Variants in CTNND2 observed in about 807,000 individuals in gnomAD.
CTNND2 encodes catenin delta-2.
Under a neutral mutation model 144.4 loss-of-function variants are expected in CTNND2, and 22 were observed. That is an observed-to-expected ratio of 0.15 (90% confidence interval 0.11 to 0.22). The LOEUF is 0.22. Ranked by LOEUF, CTNND2 falls within the 10% of genes least tolerant of loss-of-function variation. CTNND2 has a pLI of 1.00. For synonymous variants in CTNND2, 751 were observed against 695.6 expected (o/e 1.08, Z -1.25); for missense variants, 1,353 against 1,618.8 (o/e 0.84, Z 2.82).
chr5:11,838,758 A>G (rs1456393244), intron 1 of CTNND2, among the ~76,000 whole-genome samples: 1 of 152,154 alleles, frequency 6.6e-6, no homozygotes, highest in East Asian at 1.9e-4. Context: ...TCACATTTCA[A>G]TGTCTTTGAT....
intron 1 of CTNND2, among the ~76,000 whole-genome samples, chr5:11,830,833 G>A (rs570954977): frequency 3.3e-5 from 5 of 152,054 alleles, no homozygotes; most frequent in African/African-American, 1.2e-4. Context: ...CAGACCTGAT[G>A]TGGCCCACTC....
chr5:11,801,079 G>A (rs1791655308), intron 1 of CTNND2, among the ~76,000 whole-genome samples: 3 of 152,128 alleles, frequency 2.0e-5, no homozygotes, highest in Admixed American at 2.0e-4. Flanking sequence ...ACACTTTCAG[G>A]GCTGTTCTTC....
At chr5:11,151,896 C>T (rs951014661) in intron 12 of CTNND2, among the ~76,000 whole-genome samples, 3 of 152,246 alleles carry the variant, frequency 2.0e-5, no homozygotes, top group African/African-American at 4.8e-5. Flanking sequence ...CCAGGAAGAA[C>T]TTTGGACAAT....
intron 3 of CTNND2, among the ~76,000 whole-genome samples, chr5:11,430,356 A>C (rs978980598): frequency 6.6e-6 from 1 of 151,140 alleles, no homozygotes; most frequent in Non-Finnish European, 1.5e-5. Flanking sequence ...CATGAAACAA[A>C]AAAAAAATAA....
chr5:11,692,060 A>C (rs957626772), intron 2 of CTNND2, among the ~76,000 whole-genome samples: 21 of 152,218 alleles, frequency 1.4e-4, no homozygotes, highest in Admixed American at 2.6e-4. Context: ...GTTTAAAAAA[A>C]AGTTTTCCTA....
rs58988688 is a variant in CTNND2, at chr5:11,876,359, G to A, written c.37+27458C>T. 6.1e-3 allele frequency among the ~76,000 whole-genome samples: 918 copies of A among 151,632 alleles called. 11 individuals are homozygous for A. Among genetic ancestry groups the A allele is most frequent in the African/African-American group, 0.021 (877 of 41,428 alleles). ...AAGAGAAAAGAAAAGAGAAAAGAAC[G>A]AAAAAGGAAAAAAGATTTTATATAT... On this transcript the variant is annotated intron_variant, in intron 1 of 21. Coordinates refer to ENST00000304623, the MANE Select transcript of CTNND2 (RefSeq NM_001332.4).
chr5:11,272,227 T>C (rs1444025976), intron 9 of CTNND2, among the ~76,000 whole-genome samples: 3 of 152,152 alleles, frequency 2.0e-5, no homozygotes, highest in African/African-American at 7.2e-5. Context: ...CTGTCCTTTC[T>C]TCATCTGATC....
At chr5:11,218,063 C>T (rs1423898325) in intron 10 of CTNND2, among the ~76,000 whole-genome samples, 2 of 147,570 alleles carry the variant, frequency 1.4e-5, no homozygotes, top group African/African-American at 5.0e-5. Flanking sequence ...TTCCCTTCTT[C>T]CTCCTTCCTT....
At chr5:11,558,143 T>C (rs1776377210) in intron 3 of CTNND2, among the ~76,000 whole-genome samples, 1 of 152,202 alleles carries the variant, frequency 6.6e-6, no homozygotes, top group African/African-American at 2.4e-5. Context: ...ATCTCAAGAC[T>C]ACATTTTGGA....
At chr5:11,548,106 C>T (rs945277784) in intron 3 of CTNND2, among the ~76,000 whole-genome samples, 1 of 152,188 alleles carries the variant, frequency 6.6e-6, no homozygotes, top group Admixed American at 6.5e-5. Context: ...ATGGGCAAAT[C>T]TGCACAGAGT....
chr5:11,599,635 G>C (rs999222564), intron 2 of CTNND2, among the ~76,000 whole-genome samples: 4 of 152,112 alleles, frequency 2.6e-5, no homozygotes, highest in Non-Finnish European at 5.9e-5. Flanking sequence ...CAAACAAGTA[G>C]AACTTGTACT....
chr5:11,382,491 G>C (rs7724635), intron 7 of CTNND2, among the ~76,000 whole-genome samples: 49,530 of 151,804 alleles, frequency 0.33, 8,351 homozygotes, highest in Middle Eastern at 0.38. Flanking sequence ...CCCAGCTATC[G>C]GGAGGCTGAG....
intron 1 of CTNND2, among the ~76,000 whole-genome samples, chr5:11,849,477 A>G (rs1006799976): frequency 2.6e-5 from 4 of 152,164 alleles, no homozygotes; most frequent in Admixed American, 1.3e-4. Flanking sequence ...CACATTTCCT[A>G]GTACTCCAGG....
chr5:11,352,334 G>A (rs780540606), intron 8 of CTNND2, among the ~76,000 whole-genome samples: 13 of 152,236 alleles, frequency 8.5e-5, no homozygotes, highest in South Asian at 2.1e-4. Context: ...ATTTGAAAGC[G>A]AATATGATGT....
chr5:11,847,128 T>TTTTATATA (rs1279618168), intron 1 of CTNND2, among the ~76,000 whole-genome samples: 6 of 72,412 alleles, frequency 8.3e-5, no homozygotes, highest in Admixed American at 7.9e-4. Flanking sequence ...GTCAAAGATT[T>TTTTATATA]TATATATATA....
intron 2 of CTNND2, among the ~76,000 whole-genome samples, chr5:11,593,656 T>C (rs1779367351): frequency 6.6e-6 from 1 of 152,238 alleles, no homozygotes; most frequent in Admixed American, 6.5e-5. Context: ...ATATGCTCTC[T>C]GGCCTTCTGC....
intron 1 of CTNND2, among the ~76,000 whole-genome samples, chr5:11,859,723 A>G (rs1159280033): frequency 6.6e-6 from 1 of 152,068 alleles, no homozygotes; most frequent in African/African-American, 2.4e-5. Context: ...CTTTGTCTCA[A>G]TACTCTCTCT....
rs772709031 is a variant in CTNND2, at chr5:11,593,495, T to C, written c.175-28439A>G. On this transcript the variant is annotated intron_variant, in intron 2 of 21. Transcript: ENST00000304623. ...GGCTGTGCCCCACCCAAATCTCATCTTGAATTGTAGCTCCCGTAATTCCCA... is the reference window on the plus strand; with the variant it reads ...GGCTGTGCCCCACCCAAATCTCATCCTGAATTGTAGCTCCCGTAATTCCCA... Among the ~76,000 whole-genome samples the C allele has an allele frequency of 3.0e-4, 46 of 152,324 alleles. No individual in the cohort carries two copies. The Middle Eastern group carries it at 0.01, about 34-fold the overall frequency.
chr5:11,008,061 A>ATG (rs1489131394), intron 18 of CTNND2, among the ~76,000 whole-genome samples: 18 of 152,080 alleles, frequency 1.2e-4, no homozygotes, highest in African/African-American at 4.1e-4. Context: ...TGAGGGCAAC[A>ATG]CTCCAGAGGT....
Sources: allele counts gnomAD v4.1 joint callset (sites outside exome capture counted in the v4.1 genomes callset), GRCh38; gene constraint gnomAD v4.1.1; transcripts MANE v1.5; gene names NCBI Gene and HGNC (gene_info 2026-07-23, HGNC 2026-07-21).